The following PLB1 variants were observed in gnomAD, a reference collection of about 807,000 sequenced individuals.
PLB1 encodes the protein phospholipase B1, membrane-associated.
Under a neutral mutation model 227.4 loss-of-function variants are expected in PLB1, and 242 were observed. The observed-to-expected ratio is 1.06, with a 90% CI of 0.96 to 1.18. The LOEUF (loss-of-function observed/expected upper bound fraction) is 1.18, where lower values mean the gene tolerates loss of function less well. PLB1 is among the 50% of genes most tolerant of loss of function. The pLI is 0.00. For synonymous variants in PLB1, 757 were observed against 682.2 expected, an observed-to-expected ratio of 1.11 and a Z score of -1.71; for missense variants, 1,858 against 1,816.3, an observed-to-expected ratio of 1.02 and a Z score of -0.42.
At chr2:28,600,671 C>A (rs1683726349) in intron 35 of PLB1, 138 bp from the exon 36 acceptor site, 2 of 748,486 alleles carry the variant, frequency 2.7e-6, no homozygotes, top group Non-Finnish European at 4.6e-6. Flanking sequence ...GCAAGTCACT[C>A]CTGGTTTCTG....
At chr2:28,538,454 G>A (rs1254704301) in intron 10 of PLB1, 73 bp downstream of exon 10, 7 of 1,406,316 alleles carry the variant, frequency 5.0e-6, no homozygotes, top group Non-Finnish European at 5.9e-6. Context: ...CCACCGGGGT[G>A]GGGAAATGGA....
chr2:28,573,316 G>C lies in PLB1; in HGVS notation c.1433+11G>C. The C allele has an allele frequency of 6.2e-7, 1 of 1,603,126 alleles. No homozygotes were observed. The highest frequency in any genetic ancestry group is 8.5e-7 in the Non-Finnish European group (1 of 1,170,692). On this transcript the variant is annotated intron_variant, in intron 21 of 57. Transcript: ENST00000327757. Reference sequence around the variant, plus strand: ...AGGAGGCCGAGCTGAGTAAGCAGGGGTGACCGGGGCGGTGAACAGCACAGG... The same window carrying C: ...AGGAGGCCGAGCTGAGTAAGCAGGGCTGACCGGGGCGGTGAACAGCACAGG...
rs80317960 is a variant in PLB1 at position 28,519,434 on chromosome 2, A to G, written c.185-271A>G. On this transcript the variant is annotated intron_variant, in intron 3 of 57. Coordinates refer to ENST00000327757, the MANE Select transcript of PLB1 (RefSeq NM_153021.5). Reference sequence around the variant, plus strand: ...TCCAGGTGAGGGGAAAATGAAGGCCATGAGTGACCTTCCATGGGTCACCTG... The same window carrying G: ...TCCAGGTGAGGGGAAAATGAAGGCCGTGAGTGACCTTCCATGGGTCACCTG... Among the ~76,000 whole-genome samples the G allele has an allele frequency of 3.0e-4, 45 of 152,350 alleles. No homozygotes were observed. In the East Asian group the frequency reaches 8.5e-3, roughly 29 times the overall value.
intron 42 of PLB1, 62 bp downstream of exon 42, chr2:28,606,010 C>T: frequency 7.5e-7 from 1 of 1,326,312 alleles, no homozygotes; most frequent in East Asian, 2.3e-5. Context: ...GCACCAGCCC[C>T]TATAGAATGG....
At chr2:28,534,805 G>C (rs1212021596) in intron 9 of PLB1, among the ~76,000 whole-genome samples, 2 of 151,916 alleles carry the variant, frequency 1.3e-5, no homozygotes, top group African/African-American at 4.8e-5. Flanking sequence ...AGTGAGCCAA[G>C]ATCGCACTAC....
chr2:28,582,481 TCTA>T lies in PLB1; in HGVS notation c.1712_1714del (p.Tyr571del), dbSNP rs1558825922. The stretch of plus-strand genomic sequence containing the variant: ...AGGGAGCTGTACCAGGAGAAAAAAG[TCTA>T]CTGCCCAAGGATGATCCTCAGGTCA... On this transcript the variant is annotated inframe_deletion, in exon 25 of 58. Coordinates refer to ENST00000327757, the MANE Select transcript of PLB1 (RefSeq NM_153021.5). 6.2e-7 allele frequency: 1 copy of T among 1,610,560 alleles called. No homozygotes were observed. Among genetic ancestry groups the T allele is most frequent in the East Asian group, 2.2e-5 (1 of 44,804 alleles).
At chr2:28,501,127 A>T (rs1275581232) in intron 1 of PLB1, among the ~76,000 whole-genome samples, 1 of 152,224 alleles carries the variant, frequency 6.6e-6, no homozygotes, top group Non-Finnish European at 1.5e-5. Context: ...TTTTAAAAAC[A>T]TCCAATAAAT....
chr2:28,637,639 G>A (rs1048531096), intron 56 of PLB1, among the ~76,000 whole-genome samples: 9 of 152,182 alleles, frequency 5.9e-5, no homozygotes, highest in African/African-American at 2.2e-4. Context: ...AACCTCTCTG[G>A]CTACCATTTC....
chr2:28,623,408 G>C (rs1440939292), intron 49 of PLB1, among the ~76,000 whole-genome samples: 1 of 152,152 alleles, frequency 6.6e-6, no homozygotes, highest in African/African-American at 2.4e-5. Flanking sequence ...CTACCCACGA[G>C]GGCTTATTGC....
chr2:28,632,143 G>A lies in PLB1; in HGVS notation c.4002+3G>A. ...ACACACTCACCCCACTGAACGAGGTGAGCTGCAGGTATTTTAGGGAGGCTC... is the reference window on the plus strand; with the variant it reads ...ACACACTCACCCCACTGAACGAGGTAAGCTGCAGGTATTTTAGGGAGGCTC... On this transcript the variant is annotated splice_donor_region_variant and intron_variant, in intron 55 of 57. Transcript: ENST00000327757. 1.2e-6 allele frequency: 2 copies of A among 1,610,642 alleles called. No homozygotes were observed. The highest frequency in any genetic ancestry group is 1.7e-6 in the Non-Finnish European group (2 of 1,176,916).
chr2:28,510,526 C>A (rs1390365148), intron 1 of PLB1, among the ~76,000 whole-genome samples: 1 of 152,100 alleles, frequency 6.6e-6, no homozygotes. Context: ...CATACACCCT[C>A]CTCAGCTTCT....
At chr2:28,527,906 A>G (rs1158598520) in intron 6 of PLB1, among the ~76,000 whole-genome samples, 4 of 152,322 alleles carry the variant, frequency 2.6e-5, no homozygotes, top group Non-Finnish European at 5.9e-5. Context: ...CTTACAGACT[A>G]TCCTCAGATG....
chr2:28,535,283 C>T (rs530959847), intron 9 of PLB1, among the ~76,000 whole-genome samples: 1 of 152,326 alleles, frequency 6.6e-6, no homozygotes, highest in East Asian at 1.9e-4. Flanking sequence ...ACTCAAATTC[C>T]CTCTTTATTC....
At chr2:28,517,897 G>A (rs1440241382) in intron 2 of PLB1, among the ~76,000 whole-genome samples, 1 of 143,416 alleles carries the variant, frequency 7.0e-6, no homozygotes, top group Non-Finnish European at 1.5e-5. Context: ...TTGAGACAGA[G>A]TCTTGCTGTG....
At chr2:28,585,547 C>CATT in intron 25 of PLB1, 1 of 487,784 alleles carries the variant, frequency 2.1e-6, no homozygotes, top group Non-Finnish European at 3.8e-6. Context: ...AAAGTGCTGG[C>CATT]ATTACAGGCG....
intron 8 of PLB1, 82 bp downstream of exon 8, chr2:28,529,861 G>A: frequency 7.6e-7 from 1 of 1,316,380 alleles, no homozygotes; most frequent in Non-Finnish European, 1.1e-6. Flanking sequence ...GATGACCCTC[G>A]TACCATTTTA....
rs768049719 is a variant in PLB1, at chr2:28,601,338, TG to T, written c.2607+10del. ...GTGACTACTGCACAGATTCGGTAAT[TG>T]GGGCCAGGTCCAGGCCTACTTGTTG... On this transcript the variant is annotated splice_region_variant and intron_variant, in intron 37 of 57. Transcript: ENST00000327757. 5 of 1,612,892 alleles carry T rather than the reference TG, an allele frequency of 3.1e-6. No individual in the cohort carries two copies. The highest frequency in any genetic ancestry group is 4.2e-6 in the Non-Finnish European group (5 of 1,178,990).
At position 28,591,340 on chromosome 2, in the gene PLB1, A is replaced by C. The variant is rs535004069; in HGVS notation, c.2127+169A>C. Among the ~76,000 whole-genome samples, 11 of 152,358 alleles carry C rather than the reference A, an allele frequency of 7.2e-5. No individual in the cohort carries two copies. The South Asian group carries it at 1.4e-3, about 20-fold the overall frequency. Reference sequence around the variant, plus strand: ...GTAGTGGGCAGAGTAAATGCCGTGGATAACAGCTGGAAGGCATCCAGCCAA... The same window carrying C: ...GTAGTGGGCAGAGTAAATGCCGTGGCTAACAGCTGGAAGGCATCCAGCCAA... On this transcript the variant is annotated intron_variant, in intron 30 of 57. Transcript: ENST00000327757.
chr2:28,597,623 T>C (rs1371065144), intron 33 of PLB1, among the ~76,000 whole-genome samples: 1 of 152,180 alleles, frequency 6.6e-6, no homozygotes, highest in East Asian at 1.9e-4. Flanking sequence ...TTTTAACAAG[T>C]TAATTAACCT....
Sources: gnomAD v4.1 joint callset for allele counts (sites outside exome capture counted in the v4.1 genomes callset) on GRCh38, gnomAD v4.1.1 for gene constraint, MANE v1.5 for transcripts, NCBI Gene and HGNC (gene_info 2026-07-23, HGNC 2026-07-21) for gene names.